DKK2: variants seen among roughly 807,000 people sequenced by gnomAD.
The protein encoded by DKK2 is dickkopf Wnt signaling pathway inhibitor 2, also known as dickkopf-related protein 2.
DKK2 carries 11 observed loss-of-function variants against 28.1 expected under a neutral mutation model. That is an observed-to-expected ratio of 0.39 (90% CI 0.25 to 0.65). The LOEUF (loss-of-function observed/expected upper bound fraction) is 0.65. DKK2 is among the 30% of genes least tolerant of loss of function. The pLI is 0.47. For missense variants in DKK2, 326 were observed against 335.5 expected, an observed-to-expected ratio of 0.97 and a Z score of 0.22; for synonymous variants, 135 against 126.5, an observed-to-expected ratio of 1.07 and a Z score of -0.45.
At chr4:107,024,046 C>T (rs995589927) in intron 1 of DKK2, among the ~76,000 whole-genome samples, 3 of 151,990 alleles carry the variant, frequency 2.0e-5, no homozygotes, top group African/African-American at 4.8e-5. Context: ...AATATATATC[C>T]TTTGTCCTAA....
At position 106,985,208 on chromosome 4, in the gene DKK2, C is replaced by CAA. The variant is rs569150141; in HGVS notation, c.222+50160_222+50161dup. ...TAGGCGACAGAGCGATACTCCATCT[C>CAA]AAAAAAAAAAAAAAAAAAAAGATTA... On this transcript the variant is annotated intron_variant, in intron 1 of 3. Coordinates refer to ENST00000285311, the MANE Select transcript of DKK2 (RefSeq NM_014421.3). Among the ~76,000 whole-genome samples the CAA allele has an allele frequency of 6.1e-3, 300 of 49,224 alleles. 2 individuals carry two copies. The highest frequency in any genetic ancestry group is 0.018 in the African/African-American group (264 of 14,622). 32.3% of individuals were successfully genotyped at this position (49,224 alleles called of 152,430 possible).
chr4:106,954,980 C>T (rs1336757384), intron 1 of DKK2, among the ~76,000 whole-genome samples: 1 of 152,136 alleles, frequency 6.6e-6, no homozygotes, highest in East Asian at 1.9e-4. Context: ...GGACAATGAC[C>T]TCACACATTC....
chr4:106,940,551 C>A (rs1165586861), intron 1 of DKK2, among the ~76,000 whole-genome samples: 3 of 150,658 alleles, frequency 2.0e-5, no homozygotes, highest in Non-Finnish European at 2.9e-5. Context: ...GTCAGTGTGG[C>A]GATTCCTCAG....
At chr4:107,034,671 A>T (rs890288989) in intron 1 of DKK2, among the ~76,000 whole-genome samples, 2 of 152,108 alleles carry the variant, frequency 1.3e-5, no homozygotes, top group Non-Finnish European at 2.9e-5. Context: ...ATTTATGTAC[A>T]ATTCTGCGTG....
At chr4:106,977,328 G>A (rs1213094888) in intron 1 of DKK2, among the ~76,000 whole-genome samples, 1 of 152,170 alleles carries the variant, frequency 6.6e-6, no homozygotes, top group Non-Finnish European at 1.5e-5. Context: ...ACAACCTGAA[G>A]AGTGTTTTCC....
intron 1 of DKK2, among the ~76,000 whole-genome samples, chr4:106,932,456 A>C (rs1724518144): frequency 6.6e-6 from 1 of 152,186 alleles, no homozygotes; most frequent in African/African-American, 2.4e-5. Context: ...CCACATTCTC[A>C]ACTGTAGCAT....
At position 106,922,081 on chromosome 4, in the gene DKK2, C is replaced by T. The variant is rs1469940756; in HGVS notation, c.*1873G>A. On this transcript the variant is annotated 3_prime_UTR_variant, in exon 4 of 4. Transcript: ENST00000285311. The stretch of plus-strand genomic sequence containing the variant: ...TTGAAATGTTCCATTTTCATTTCAC[C>T]AAGCTTATAGCAACCTGTTTATACA... 1 of 152,466 alleles carries T rather than the reference C, an allele frequency of 6.6e-6. No homozygotes were observed. Among genetic ancestry groups the T allele is most frequent in the Non-Finnish European group, 1.5e-5 (1 of 68,008 alleles). 9.4% of individuals were successfully genotyped at this position (152,466 alleles called of 1,614,324 possible).
chr4:107,024,854 C>T (rs1218240695), intron 1 of DKK2, among the ~76,000 whole-genome samples: 1 of 152,152 alleles, frequency 6.6e-6, no homozygotes, highest in Non-Finnish European at 1.5e-5. Context: ...CTCTTTCAGG[C>T]TCACCCGCTG....
chr4:106,943,441 A>G (rs1724731143), intron 1 of DKK2, among the ~76,000 whole-genome samples: 1 of 152,182 alleles, frequency 6.6e-6, no homozygotes, highest in Non-Finnish European at 1.5e-5. Flanking sequence ...TACTCAATTA[A>G]GAACCCATCA....
rs71590176 is a variant in DKK2 at position 107,027,756 on chromosome 4, A to ATTTTTTTTTTTTTTTTTTTTTTTTTTTT, written c.222+7613_222+7614insAAAAAAAAAAAAAAAAAAAAAAAAAAAA. Among the ~76,000 whole-genome samples, 11 of 135,318 alleles carry ATTTTTTTTTTTTTTTTTTTTTTTTTTTT rather than the reference A, an allele frequency of 8.1e-5. 1 individual carries two copies. The highest frequency in any genetic ancestry group is 2.4e-4 in the Admixed American group (3 of 12,762). 88.8% of individuals were successfully genotyped at this position (135,318 alleles called of 152,430 possible). ...TTGCTTATGACCTCCACCTATTATG[A>ATTTTTTTTTTTTTTTTTTTTTTTTTTTT]TTTTTTTTTTTTTGAGACAGAGTCT... On this transcript the variant is annotated intron_variant, in intron 1 of 3. Transcript: ENST00000285311.
intron 1 of DKK2, among the ~76,000 whole-genome samples, chr4:106,954,652 G>C (rs1292112478): frequency 6.6e-6 from 1 of 152,104 alleles, no homozygotes; most frequent in African/African-American, 2.4e-5. Flanking sequence ...CTCCAGAGTA[G>C]CTGGGACTAC....
At chr4:106,979,439 CTTCT>C (rs1298326804) in intron 1 of DKK2, among the ~76,000 whole-genome samples, 2 of 145,950 alleles carry the variant, frequency 1.4e-5, no homozygotes, top group African/African-American at 2.5e-5. Context: ...ACTTAGTATC[CTTCT>C]TTTTTTTTTT....
chr4:106,951,758 T>C (rs1297566018), intron 1 of DKK2, among the ~76,000 whole-genome samples: 1 of 152,162 alleles, frequency 6.6e-6, no homozygotes, highest in Non-Finnish European at 1.5e-5. Context: ...TATGCAAAAA[T>C]GTTAATAGCT....
At chr4:106,966,657 T>C (rs1395153274) in intron 1 of DKK2, among the ~76,000 whole-genome samples, 1 of 152,138 alleles carries the variant, frequency 6.6e-6, no homozygotes, top group Admixed American at 6.6e-5. Flanking sequence ...GCCTCTGAAC[T>C]AACAGCCATT....
At chr4:106,933,653 C>T (rs542442735) in intron 1 of DKK2, among the ~76,000 whole-genome samples, 189 of 152,242 alleles carry the variant, frequency 1.2e-3, no homozygotes, top group African/African-American at 4.1e-3. Context: ...AAACACTCTT[C>T]TTCCCCATAT....
intron 1 of DKK2, among the ~76,000 whole-genome samples, chr4:106,976,887 A>G (rs945493093): frequency 5.7e-4 from 86 of 151,550 alleles, no homozygotes; most frequent in African/African-American, 1.8e-3. Flanking sequence ...TGTTTTTTCT[A>G]TTCCATATTG....
chr4:106,999,180 T>C (rs543595444), intron 1 of DKK2, among the ~76,000 whole-genome samples: 1 of 152,330 alleles, frequency 6.6e-6, no homozygotes, highest in Non-Finnish European at 1.5e-5. Context: ...CTTTTAGGGT[T>C]GCTATGACCC....
intron 1 of DKK2, among the ~76,000 whole-genome samples, chr4:107,021,768 C>G (rs1050407116): frequency 4.6e-5 from 7 of 152,068 alleles, no homozygotes; most frequent in Non-Finnish European, 1.0e-4. Flanking sequence ...AAAAATCAAA[C>G]TTCAATTTCT....
intron 1 of DKK2, among the ~76,000 whole-genome samples, chr4:106,978,781 G>A (rs899243227): frequency 6.6e-6 from 1 of 150,664 alleles, no homozygotes; most frequent in Non-Finnish European, 1.5e-5. Flanking sequence ...GGGTGCCACT[G>A]GGGTATGATA....
Sources: allele counts gnomAD v4.1 joint callset (sites outside exome capture counted in the v4.1 genomes callset), GRCh38; gene constraint gnomAD v4.1.1; transcripts MANE v1.5; gene names NCBI Gene and HGNC (gene_info 2026-07-23, HGNC 2026-07-21).